FMN1: variants seen among roughly 807,000 people sequenced by gnomAD.
FMN1 encodes the protein formin-1.
FMN1 carries 110 observed loss-of-function variants against 132.4 expected under a neutral mutation model. The observed-to-expected ratio is 0.83, with a 90% CI of 0.71 to 0.97. The LOEUF is 0.97. FMN1 is among the 50% of genes least tolerant of loss of function. FMN1 has a pLI of 0.00. For missense variants in FMN1, 1,792 were observed against 1,705.3 expected (o/e 1.05, Z -0.90); for synonymous variants, 722 against 651.7 (o/e 1.11, Z -1.64).
At chr15:32,891,144 G>A (rs981523887) in intron 15 of FMN1, among the ~76,000 whole-genome samples, 4 of 152,172 alleles carry the variant, frequency 2.6e-5, no homozygotes, top group African/African-American at 9.7e-5. Context: ...ACTGACTATG[G>A]CCTTATAGTA....
At chr15:32,968,069 A>C (rs1223993820) in intron 8 of FMN1, among the ~76,000 whole-genome samples, 2 of 152,252 alleles carry the variant, frequency 1.3e-5, no homozygotes, top group Non-Finnish European at 2.9e-5. Context: ...ATCTATACAA[A>C]TGGAAGATGC....
chr15:32,905,695 C>T (rs1480488458), intron 12 of FMN1, among the ~76,000 whole-genome samples: 1 of 152,160 alleles, frequency 6.6e-6, no homozygotes, highest in Non-Finnish European at 1.5e-5. Flanking sequence ...GGACTGGGCA[C>T]CACAGGGCTC....
intron 4 of FMN1, among the ~76,000 whole-genome samples, chr15:33,130,997 G>C (rs776657438): frequency 1.3e-5 from 2 of 152,118 alleles, no homozygotes; most frequent in Non-Finnish European, 2.9e-5. Context: ...AGGAGAATCA[G>C]ATAGAATAAT....
At chr15:32,804,797 G>A (rs2141009676) in intron 17 of FMN1, among the ~76,000 whole-genome samples, 1 of 152,120 alleles carries the variant, frequency 6.6e-6, no homozygotes, top group African/African-American at 2.4e-5. Flanking sequence ...TGCTGAGAAT[G>A]ATAGTTTCTG....
chr15:32,928,008 T>C (rs1230671962), intron 9 of FMN1, among the ~76,000 whole-genome samples: 1 of 152,202 alleles, frequency 6.6e-6, no homozygotes, highest in Admixed American at 6.5e-5. Flanking sequence ...GGGACAACAA[T>C]AGTTTGTTCC....
At chr15:33,079,141 A>G (rs1250875732) in intron 5 of FMN1, among the ~76,000 whole-genome samples, 1 of 152,190 alleles carries the variant, frequency 6.6e-6, no homozygotes, top group Non-Finnish European at 1.5e-5. Context: ...TATAATACAG[A>G]GTTTTCTCTG....
intron 11 of FMN1, 37 bp from the exon 12 acceptor site, chr15:32,908,615 A>G: frequency 7.6e-7 from 1 of 1,319,728 alleles, no homozygotes; most frequent in Non-Finnish European, 1.1e-6. Flanking sequence ...AAAAAAAAAA[A>G]AAAAAAAAGG....
intron 17 of FMN1, among the ~76,000 whole-genome samples, chr15:32,842,481 G>C (rs2058765642): frequency 6.6e-6 from 1 of 152,178 alleles, no homozygotes; most frequent in Admixed American, 6.5e-5. Context: ...GAGATGGTTG[G>C]TTATGCACTG....
At chr15:33,116,901 G>A (rs868837757) in intron 4 of FMN1, among the ~76,000 whole-genome samples, 1 of 151,478 alleles carries the variant, frequency 6.6e-6, no homozygotes, top group Admixed American at 6.6e-5. Flanking sequence ...TAAAGAAAAC[G>A]AAGTACTTGA....
At chr15:32,820,765 C>T (rs2058190088) in intron 17 of FMN1, among the ~76,000 whole-genome samples, 1 of 152,124 alleles carries the variant, frequency 6.6e-6, no homozygotes, top group Non-Finnish European at 1.5e-5. Flanking sequence ...TTTTAAAATT[C>T]TGCAAATTAC....
intron 4 of FMN1, among the ~76,000 whole-genome samples, chr15:33,107,322 T>C (rs2039525428): frequency 6.6e-6 from 1 of 152,072 alleles, no homozygotes; most frequent in African/African-American, 2.4e-5. Context: ...CACTCGTGCC[T>C]AGACACAATA....
At chr15:32,889,832 T>A (rs1021031827) in intron 15 of FMN1, among the ~76,000 whole-genome samples, 1 of 152,198 alleles carries the variant, frequency 6.6e-6, no homozygotes, top group African/African-American at 2.4e-5. Flanking sequence ...CATGAGTAAG[T>A]TCTTTAGTGG....
chr15:33,126,882 GT>G (rs1963133207), intron 4 of FMN1, among the ~76,000 whole-genome samples: 2 of 152,166 alleles, frequency 1.3e-5, no homozygotes, highest in Non-Finnish European at 2.9e-5. Flanking sequence ...ATAAATAACT[GT>G]GGCTGTATAA....
chr15:32,998,681 G>A (rs950909857), intron 7 of FMN1, among the ~76,000 whole-genome samples: 42 of 152,114 alleles, frequency 2.8e-4, no homozygotes, highest in African/African-American at 7.7e-4. Flanking sequence ...GCAGTAGCCC[G>A]TCACCTAAAG....
At chr15:33,000,201 G>A (rs902386093) in intron 7 of FMN1, among the ~76,000 whole-genome samples, 1 of 152,186 alleles carries the variant, frequency 6.6e-6, no homozygotes, top group African/African-American at 2.4e-5. Context: ...TGTAATCCCA[G>A]CACTTTGGGA....
chr15:32,896,555 C>T (rs1389570471), intron 15 of FMN1, among the ~76,000 whole-genome samples: 1 of 152,098 alleles, frequency 6.6e-6, no homozygotes, highest in Non-Finnish European at 1.5e-5. Flanking sequence ...GTGACTGAAA[C>T]GCCGTATCCT....
At chr15:32,897,794 TG>T (rs34301682) in intron 15 of FMN1, among the ~76,000 whole-genome samples, 10,547 of 152,034 alleles carry the variant, frequency 0.069, 606 homozygotes, top group African/African-American at 0.17. Flanking sequence ...TCCAAGTGAG[TG>T]GTCTTAAAAC....
intron 17 of FMN1, among the ~76,000 whole-genome samples, chr15:32,848,179 T>C (rs1567265564): frequency 6.6e-6 from 1 of 152,132 alleles, no homozygotes; most frequent in Non-Finnish European, 1.5e-5. Context: ...TTCTTGACCA[T>C]AATGTAAATT....
At chr15:32,986,457 A>G (rs1382546596) in intron 7 of FMN1, among the ~76,000 whole-genome samples, 1 of 152,126 alleles carries the variant, frequency 6.6e-6, no homozygotes, top group African/African-American at 2.4e-5. Context: ...TGAATTCACA[A>G]AGATCTGATG....
Sources: gnomAD v4.1 joint callset for allele counts (sites outside exome capture counted in the v4.1 genomes callset) on GRCh38, gnomAD v4.1.1 for gene constraint, MANE v1.5 for transcripts, NCBI Gene and HGNC (gene_info 2026-07-23, HGNC 2026-07-21) for gene names.